Variants in SIPA1L2 observed in about 807,000 individuals in gnomAD.
SIPA1L2 encodes the protein signal-induced proliferation-associated 1-like protein 2.
SIPA1L2 carries 56 observed loss-of-function variants against 163.9 expected under a neutral mutation model. That is an observed-to-expected ratio of 0.34 (90% CI 0.28 to 0.43). The LOEUF (loss-of-function observed/expected upper bound fraction) is 0.43, where lower values mean the gene tolerates loss of function less well. SIPA1L2 is among the 20% of genes least tolerant of loss of function. The probability of loss-of-function intolerance (pLI) is 1.00; values close to 1 mark genes in which losing one functional copy is unlikely to be tolerated. For synonymous variants in SIPA1L2, 877 were observed against 865.7 expected, an observed-to-expected ratio of 1.01 and a Z score of -0.23; for missense variants, 1,974 against 2,193.5, an observed-to-expected ratio of 0.90 and a Z score of 2.00.
intron 3 of SIPA1L2, among the ~76,000 whole-genome samples, chr1:232,508,118 C>A (rs1251065076): frequency 6.6e-6 from 1 of 152,148 alleles, no homozygotes; most frequent in Non-Finnish European, 1.5e-5. Context: ...CCACTACATT[C>A]AGAGGAACAC....
chr1:232,470,115 C>T lies in SIPA1L2; in HGVS notation c.2243+1256G>A, dbSNP rs898024146. On this transcript the variant is annotated intron_variant, in intron 8 of 22. Transcript: ENST00000674635. ...AGAATTACCATTCGCTGGATGAGCT[C>T]CCAGGAAAAAAAGGCCAACTCACCA... 2.0e-5 allele frequency among the ~76,000 whole-genome samples: 3 copies of T among 151,988 alleles called. No individual in the cohort carries two copies. The South Asian group carries it at 6.2e-4, about 32-fold the overall frequency.
intron 1 of SIPA1L2, among the ~76,000 whole-genome samples, chr1:232,602,157 G>C (rs1203014578): frequency 1.3e-5 from 2 of 152,138 alleles, no homozygotes; most frequent in Non-Finnish European, 1.5e-5. Context: ...GCAACAAGAA[G>C]AGCTTGTGCA....
chr1:232,605,520 C>T lies in SIPA1L2; in HGVS notation c.-319+24349G>A, dbSNP rs576703295. On this transcript the variant is annotated intron_variant, in intron 1 of 22. Transcript: ENST00000674635. ...CACAAGCCTGGCCAACACGGTGAAA[C>T]TCTGTCTCTACTAAAAATACAAAAT... 7.9e-4 allele frequency among the ~76,000 whole-genome samples: 121 copies of T among 152,286 alleles called. 1 individual carries two copies. The highest frequency in any genetic ancestry group is 2.8e-3 in the African/African-American group (115 of 41,560).
chr1:232,410,973 C>T (rs1558153861), intron 19 of SIPA1L2, among the ~76,000 whole-genome samples: 1 of 152,072 alleles, frequency 6.6e-6, no homozygotes, highest in Non-Finnish European at 1.5e-5. Flanking sequence ...ATTAAGTGAT[C>T]AAGTGCATCA....
chr1:232,472,858 T>C (rs192901308), intron 7 of SIPA1L2, among the ~76,000 whole-genome samples: 13 of 152,384 alleles, frequency 8.5e-5, no homozygotes, highest in Non-Finnish European at 1.6e-4. Context: ...ACTTGTGATT[T>C]AGCATGATAA....
chr1:232,479,842 C>G (rs1214959029), intron 6 of SIPA1L2, 112 bp from the exon 7 acceptor site: 1 of 806,318 alleles, frequency 1.2e-6, no homozygotes, highest in African/African-American at 1.7e-5. Flanking sequence ...CAAGCTCTAC[C>G]CAACCAGTAT....
chr1:232,562,872 A>G (rs1659124969), intron 2 of SIPA1L2, among the ~76,000 whole-genome samples: 1 of 152,218 alleles, frequency 6.6e-6, no homozygotes, highest in Non-Finnish European at 1.5e-5. Context: ...GCACATTTTA[A>G]AAAGGAGAAA....
chr1:232,458,533 A>T (rs976510315), intron 10 of SIPA1L2, among the ~76,000 whole-genome samples: 1 of 152,236 alleles, frequency 6.6e-6, no homozygotes, highest in Non-Finnish European at 1.5e-5. Flanking sequence ...ACTAACAGTA[A>T]ACCAAAACTA....
At chr1:232,531,752 G>A (rs1393895208) in intron 2 of SIPA1L2, among the ~76,000 whole-genome samples, 1 of 152,290 alleles carries the variant, frequency 6.6e-6, no homozygotes, top group Non-Finnish European at 1.5e-5. Flanking sequence ...CATGGGACAG[G>A]ATCAGAAAGG....
intron 10 of SIPA1L2, among the ~76,000 whole-genome samples, chr1:232,449,966 AAG>A (rs1418359282): frequency 4.6e-5 from 7 of 152,208 alleles, no homozygotes; most frequent in African/African-American, 1.7e-4. Context: ...GGGACAGAGA[AAG>A]AGAAAAAATA....
intron 1 of SIPA1L2, among the ~76,000 whole-genome samples, chr1:232,598,986 TC>T (rs1661439465): frequency 9.8e-6 from 1 of 101,932 alleles, no homozygotes; most frequent in Non-Finnish European, 2.3e-5. Context: ...AAAAAAAACT[TC>T]CAAATCCTGC....
intron 2 of SIPA1L2, among the ~76,000 whole-genome samples, chr1:232,561,928 C>T (rs895442893): frequency 7.2e-5 from 11 of 152,184 alleles, no homozygotes; most frequent in Non-Finnish European, 1.3e-4. Flanking sequence ...ATTACTAAAC[C>T]TTTTCCAGGG....
At chr1:232,508,208 C>T (rs898885436) in intron 3 of SIPA1L2, among the ~76,000 whole-genome samples, 1 of 152,204 alleles carries the variant, frequency 6.6e-6, no homozygotes, top group African/African-American at 2.4e-5. Flanking sequence ...CTTTTCACTT[C>T]ACTCCTGAGT....
At chr1:232,555,251 C>T (rs1447949532) in intron 2 of SIPA1L2, among the ~76,000 whole-genome samples, 1 of 152,188 alleles carries the variant, frequency 6.6e-6, no homozygotes, top group Non-Finnish European at 1.5e-5. Flanking sequence ...CTCAACAATT[C>T]ACCTCCACCG....
At chr1:232,400,662 C>T (rs2102732951) in intron 22 of SIPA1L2, among the ~76,000 whole-genome samples, 1 of 152,266 alleles carries the variant, frequency 6.6e-6, no homozygotes, top group Admixed American at 6.5e-5. Flanking sequence ...CGGGAAGATT[C>T]TAGAACCTGG....
intron 18 of SIPA1L2, among the ~76,000 whole-genome samples, chr1:232,424,794 C>T (rs1348914916): frequency 6.6e-6 from 1 of 151,762 alleles, no homozygotes; most frequent in Non-Finnish European, 1.5e-5. Context: ...TTATGAAGTT[C>T]GAATTGGTTC....
chr1:232,466,343 A>T lies in SIPA1L2; in HGVS notation c.2244-927T>A, dbSNP rs1322449733. Among the ~76,000 whole-genome samples, 4 of 152,228 alleles carry T rather than the reference A, an allele frequency of 2.6e-5. No homozygotes were observed. The East Asian group carries it at 5.8e-4, about 22-fold the overall frequency. ...TTTTATGGGAGCAAAGTTTTAAGGG[A>T]TCTCAGGGACTGAAGAGATCAAATG... On this transcript the variant is annotated intron_variant, in intron 8 of 22. Transcript: ENST00000674635.
At chr1:232,471,736 A>C (rs1225012577) in intron 7 of SIPA1L2, among the ~76,000 whole-genome samples, 1 of 152,208 alleles carries the variant, frequency 6.6e-6, no homozygotes, top group Non-Finnish European at 1.5e-5. Flanking sequence ...ATTTAAGTTT[A>C]TCTCTTTTAT....
intron 9 of SIPA1L2, 37 bp from the exon 10 acceptor site, chr1:232,461,198 G>T: frequency 6.3e-7 from 1 of 1,595,670 alleles, no homozygotes; most frequent in Non-Finnish European, 8.5e-7. Context: ...TGCCCTTCCT[G>T]CCCAAGCTGC....
Sources: allele counts gnomAD v4.1 joint callset (sites outside exome capture counted in the v4.1 genomes callset), GRCh38; gene constraint gnomAD v4.1.1; transcripts MANE v1.5; gene names NCBI Gene and HGNC (gene_info 2026-07-23, HGNC 2026-07-21).